Variants in SUGCT observed in about 807,000 individuals in gnomAD.
SUGCT encodes the protein succinyl-CoA:glutarate CoA-transferase.
Under a neutral mutation model 55.0 loss-of-function variants are expected in SUGCT, and 41 were observed. The observed-to-expected ratio is 0.74, with a 90% CI of 0.58 to 0.97. The LOEUF is 0.97. Ranked by LOEUF, SUGCT falls within the 50% of genes least tolerant of loss-of-function variation. The probability of loss-of-function intolerance (pLI) is 0.00; values close to 1 mark genes in which losing one functional copy is unlikely to be tolerated. For missense variants in SUGCT, 568 were observed against 547.8 expected, an observed-to-expected ratio of 1.04 and a Z score of -0.37; for synonymous variants, 187 against 200.4, an observed-to-expected ratio of 0.93 and a Z score of 0.56.
chr7:40,288,481 A>G (rs952303655), intron 8 of SUGCT, among the ~76,000 whole-genome samples: 14 of 152,050 alleles, frequency 9.2e-5, no homozygotes, highest in Admixed American at 8.5e-4. Flanking sequence ...ATTAAAATTC[A>G]GGGTTTTTTT....
chr7:40,369,542 G>C (rs925522379), intron 9 of SUGCT, among the ~76,000 whole-genome samples: 2 of 152,088 alleles, frequency 1.3e-5, no homozygotes, highest in Non-Finnish European at 2.9e-5. Flanking sequence ...TATTATAATG[G>C]GCTGTTGCAA....
At chr7:40,256,055 T>G (rs1790793215) in intron 7 of SUGCT, among the ~76,000 whole-genome samples, 1 of 152,224 alleles carries the variant, frequency 6.6e-6, no homozygotes, top group East Asian at 1.9e-4. Context: ...TTAAATTTAT[T>G]GTCATCTCAT....
chr7:40,405,808 TAAAAAAAAA>T (rs60966218), intron 9 of SUGCT, among the ~76,000 whole-genome samples: 1 of 90,954 alleles, frequency 1.1e-5, no homozygotes, highest in Non-Finnish European at 2.3e-5. Context: ...AGACTCTGTC[TAAAAAAAAA>T]AAAAAAAAAA....
rs547369651 is a variant in SUGCT at position 40,399,551 on chromosome 7, T to G, written c.817-49736T>G. ...GGTCACCAGGAGATTGAGAGTTTCC[T>G]CACCACAATAAAAGATACAACAGGA... On this transcript the variant is annotated intron_variant, in intron 9 of 13. Transcript: ENST00000335693. Among the ~76,000 whole-genome samples, 86 of 152,284 alleles carry G rather than the reference T, an allele frequency of 5.6e-4. No individual in the cohort carries two copies. The Middle Eastern group carries it at 0.01, about 18-fold the overall frequency.
intron 9 of SUGCT, among the ~76,000 whole-genome samples, chr7:40,336,830 AT>A (rs886559824): frequency 1.3e-5 from 2 of 151,616 alleles, no homozygotes; most frequent in Non-Finnish European, 1.5e-5. Context: ...AGTTCTTTTA[AT>A]TGTGATGTTA....
the SUGCT span, among the ~76,000 whole-genome samples, chr7:40,958,174 G>C: frequency 6.6e-6 from 1 of 151,996 alleles, no homozygotes; most frequent in African/African-American, 2.4e-5. Context: ...TCTTTGTGGT[G>C]TTCTCTGTAT....
chr7:40,318,740 C>A (rs1430086098), intron 9 of SUGCT, among the ~76,000 whole-genome samples: 5 of 152,178 alleles, frequency 3.3e-5, no homozygotes, highest in Non-Finnish European at 7.4e-5. Context: ...CCTGGCCTGG[C>A]CTTCAGCCTT....
At chr7:40,608,777 A>T (rs552689533) in intron 12 of SUGCT, among the ~76,000 whole-genome samples, 1 of 152,166 alleles carries the variant, frequency 6.6e-6, no homozygotes, top group African/African-American at 2.4e-5. Context: ...TGTTTTACCA[A>T]TGAGCCAAAA....
At chr7:40,730,728 C>T (rs928238230) in intron 12 of SUGCT, among the ~76,000 whole-genome samples, 1 of 152,186 alleles carries the variant, frequency 6.6e-6, no homozygotes, top group African/African-American at 2.4e-5. Context: ...CACCATTCTA[C>T]TCTATATTTC....
At chr7:40,706,472 C>T (rs996097719) in intron 12 of SUGCT, among the ~76,000 whole-genome samples, 1 of 152,184 alleles carries the variant, frequency 6.6e-6, no homozygotes, top group African/African-American at 2.4e-5. Flanking sequence ...TGGCACTGCA[C>T]TCCAACCTGA....
chr7:40,354,014 T>C (rs930381069), intron 9 of SUGCT, among the ~76,000 whole-genome samples: 5 of 152,110 alleles, frequency 3.3e-5, no homozygotes, highest in Admixed American at 3.3e-4. Context: ...TTTTAATAGA[T>C]AGATGTATTA....
intron 9 of SUGCT, among the ~76,000 whole-genome samples, chr7:40,364,865 C>T (rs1476233006): frequency 6.6e-6 from 1 of 152,120 alleles, no homozygotes; most frequent in Admixed American, 6.6e-5. Flanking sequence ...CCTTCTGAAA[C>T]TATTCCAATC....
intron 13 of SUGCT, among the ~76,000 whole-genome samples, chr7:40,772,276 A>G (rs1447060950): frequency 1.3e-5 from 2 of 152,130 alleles, no homozygotes; most frequent in Non-Finnish European, 2.9e-5. Context: ...ATATCAGCCC[A>G]TACGTAAGTC....
At chr7:40,501,792 A>G (rs1281537160) in intron 12 of SUGCT, among the ~76,000 whole-genome samples, 5 of 152,102 alleles carry the variant, frequency 3.3e-5, no homozygotes, top group African/African-American at 1.2e-4. Flanking sequence ...TTAAGGTAGA[A>G]AGTGTTCAGT....
intron 9 of SUGCT, among the ~76,000 whole-genome samples, chr7:40,377,163 TTTC>T (rs1583550187): frequency 6.2e-5 from 1 of 16,252 alleles, no homozygotes; most frequent in Admixed American, 1.5e-3. Flanking sequence ...TCTTTCTTTC[TTTC>T]TTTCTTTCTT....
intron 12 of SUGCT, among the ~76,000 whole-genome samples, chr7:40,643,257 C>T (rs1294303169): frequency 2.0e-5 from 3 of 152,184 alleles, no homozygotes; most frequent in Non-Finnish European, 4.4e-5. Context: ...TTGAAGCTCT[C>T]TGTGTTGATT....
chr7:40,558,487 C>CATA (rs1464191711), intron 12 of SUGCT, among the ~76,000 whole-genome samples: 4 of 152,088 alleles, frequency 2.6e-5, no homozygotes, highest in Non-Finnish European at 5.9e-5. Context: ...AAACATTATG[C>CATA]TAAGTAAAAT....
rs1238648069 is a variant in SUGCT, at chr7:40,292,352, A to C, written c.720+17696A>C. 2.0e-5 allele frequency among the ~76,000 whole-genome samples: 3 copies of C among 151,832 alleles called. No individual in the cohort carries two copies. In the East Asian group the frequency reaches 5.8e-4, roughly 29 times the overall value. The stretch of plus-strand genomic sequence containing the variant: ...CTGTATTTTTTAAAGTTCCAGAAAC[A>C]CTGTCTTCTTGGTGGGATAGTTATT... On this transcript the variant is annotated intron_variant, in intron 8 of 13. Coordinates refer to ENST00000335693, the MANE Select transcript of SUGCT (RefSeq NM_001193313.2).
chr7:40,175,400 A>G lies in SUGCT; in HGVS notation c.101-5547A>G, dbSNP rs531218567. 3.9e-5 allele frequency among the ~76,000 whole-genome samples: 6 copies of G among 152,156 alleles called. No individual in the cohort carries two copies. In the East Asian group the frequency reaches 1.2e-3, roughly 29 times the overall value. Reference sequence around the variant, plus strand: ...ATGCCCAGCTGCTTTTTGTATTTTCAGTAGAGACAGGGTTTCGCCATGCTG... The same window carrying G: ...ATGCCCAGCTGCTTTTTGTATTTTCGGTAGAGACAGGGTTTCGCCATGCTG... On this transcript the variant is annotated intron_variant, in intron 1 of 13. Transcript: ENST00000335693.
Sources: gnomAD v4.1 joint callset for allele counts (sites outside exome capture counted in the v4.1 genomes callset) on GRCh38, gnomAD v4.1.1 for gene constraint, MANE v1.5 for transcripts, NCBI Gene and HGNC (gene_info 2026-07-23, HGNC 2026-07-21) for gene names.